SLC12A2: variants seen among roughly 807,000 people sequenced by gnomAD.
SLC12A2 encodes the protein Na-K-2Cl cotransporter 1.
SLC12A2 carries 67 observed loss-of-function variants against 136.3 expected under a neutral mutation model. That is an observed-to-expected ratio of 0.49 (90% CI 0.40 to 0.60). The LOEUF (loss-of-function observed/expected upper bound fraction) is 0.60, where lower values mean the gene tolerates loss of function less well. Among genes scored for constraint, SLC12A2 ranks in the 20% least tolerant of loss-of-function variants. The pLI is 0.00. For missense variants in SLC12A2, 1,322 were observed against 1,534.7 expected (o/e 0.86, Z 2.32); for synonymous variants, 619 against 562.9 (o/e 1.10, Z -1.41).
intron 1 of SLC12A2, 54 bp from the exon 2 acceptor site, chr5:128,112,760 A>G (rs1300405482): frequency 2.3e-5 from 31 of 1,374,506 alleles, no homozygotes; most frequent in Non-Finnish European, 2.9e-5. Context: ...GTTTTTATCA[A>G]GTGATTTTAA....
intron 26 of SLC12A2, 35 bp from the exon 27 acceptor site, chr5:128,186,461 G>GTTTTTTTTTTTTTT (rs11382084): frequency 4.5e-6 from 6 of 1,323,448 alleles, no homozygotes; most frequent in African/African-American, 1.6e-5. Flanking sequence ...ATTGCTCAGG[G>GTTTTTTTTTTTTTT]TTTTTTTTTT....
intron 1 of SLC12A2, among the ~76,000 whole-genome samples, chr5:128,098,894 C>A (rs1760642115): frequency 6.6e-6 from 1 of 152,100 alleles, no homozygotes; most frequent in African/African-American, 2.4e-5. Flanking sequence ...TCCAATTCCT[C>A]TGTTGACTTT....
At chr5:128,101,705 C>T (rs145536272) in intron 1 of SLC12A2, among the ~76,000 whole-genome samples, 49 of 152,246 alleles carry the variant, frequency 3.2e-4, no homozygotes, top group African/African-American at 1.1e-3. Context: ...TAACCCTAGG[C>T]GTTCCTTTTG....
chr5:128,149,570 TA>T (rs1279687438), intron 12 of SLC12A2, among the ~76,000 whole-genome samples: 15 of 151,616 alleles, frequency 9.9e-5, no homozygotes, highest in Non-Finnish European at 1.8e-4. Context: ...ATGCAGCAGT[TA>T]AAAAAAGGAA....
chr5:128,089,163 T>C (rs1409099027), intron 1 of SLC12A2, among the ~76,000 whole-genome samples: 1 of 114,856 alleles, frequency 8.7e-6, no homozygotes. Flanking sequence ...AGCAAAACTT[T>C]GTCTCCAAAA....
At chr5:128,091,851 A>G (rs2126641074) in intron 1 of SLC12A2, among the ~76,000 whole-genome samples, 1 of 152,332 alleles carries the variant, frequency 6.6e-6, no homozygotes, top group African/African-American at 2.4e-5. Context: ...TAATTTTTAA[A>G]AAAATTCTGT....
intron 24 of SLC12A2, 31 bp downstream of exon 24, chr5:128,182,972 T>C: frequency 7.4e-7 from 1 of 1,357,960 alleles, no homozygotes; most frequent in East Asian, 2.3e-5. Flanking sequence ...CTGATCCCTT[T>C]ATAGATGGCC....
chr5:128,109,857 G>A (rs1761081094), intron 1 of SLC12A2: 2 of 787,862 alleles, frequency 2.5e-6, no homozygotes, highest in Non-Finnish European at 4.7e-6. Context: ...AAATCCCCAT[G>A]TATTTTAAAA....
chr5:128,138,486 T>A (rs1289832004), intron 7 of SLC12A2, 111 bp from the exon 8 acceptor site: 7 of 934,818 alleles, frequency 7.5e-6, no homozygotes, highest in African/African-American at 1.7e-5. Flanking sequence ...ATTTACTCGT[T>A]ACTTTAACTG....
chr5:128,096,114 A>G (rs1188022568), intron 1 of SLC12A2, among the ~76,000 whole-genome samples: 1 of 152,124 alleles, frequency 6.6e-6, no homozygotes, highest in East Asian at 1.9e-4. Context: ...AGATGGACAG[A>G]CTCAGAAGCT....
chr5:128,147,121 A>C (rs973029375), intron 10 of SLC12A2, among the ~76,000 whole-genome samples: 3 of 141,630 alleles, frequency 2.1e-5, no homozygotes, highest in African/African-American at 8.0e-5. Flanking sequence ...TGAACAGACT[A>C]TTTTTAAAAG....
intron 10 of SLC12A2, 32 bp downstream of exon 10, chr5:128,142,013 C>A: frequency 6.3e-7 from 1 of 1,582,770 alleles, no homozygotes; most frequent in Non-Finnish European, 8.7e-7. Flanking sequence ...TACAGACATT[C>A]TGTATTTATC....
In SLC12A2 at chr5:128,147,687, T is replaced by C. The variant is rs1453201681; in HGVS notation, c.1839T>C (p.Ser613=). 2 of 1,610,334 alleles carry C rather than the reference T, an allele frequency of 1.2e-6. No homozygotes were observed. The highest frequency in any genetic ancestry group is 1.7e-6 in the Non-Finnish European group (2 of 1,177,370). ...CAGGTATATTTTCAGCCACTCTTTC[T>C]TCAGCATTAGCATCCCTAGTGAGTG... The part of the protein sequence containing the change: ...ISAGIFSATL[S]SALASLVSAP... The change falls in exon 11 of 27, where the codon TCT becomes TCC. Residue 613 remains serine (S), a synonymous_variant. Transcript: ENST00000262461.
chr5:128,105,812 CTCCCTATGGTTTCTGTTT>C (rs1280236236), intron 1 of SLC12A2, among the ~76,000 whole-genome samples: 1 of 152,142 alleles, frequency 6.6e-6, no homozygotes, highest in Admixed American at 6.5e-5. Context: ...AAGTGTTCTG[CTCCCTATGGTTTCTGTTT>C]TTCTTTTCAT....
chr5:128,085,819 A>T (rs1349847472), intron 1 of SLC12A2, among the ~76,000 whole-genome samples: 1 of 152,246 alleles, frequency 6.6e-6, no homozygotes, highest in Admixed American at 6.5e-5. Flanking sequence ...TTGATAATGT[A>T]ACATTCACAC....
intron 1 of SLC12A2, among the ~76,000 whole-genome samples, chr5:128,099,224 G>A (rs1462445018): frequency 6.6e-6 from 1 of 152,158 alleles, no homozygotes; most frequent in African/African-American, 2.4e-5. Flanking sequence ...GCTATATGGT[G>A]TAGCCTGTTG....
chr5:128,137,629 G>A (rs1333286511), intron 7 of SLC12A2, among the ~76,000 whole-genome samples: 1 of 152,226 alleles, frequency 6.6e-6, no homozygotes, highest in Non-Finnish European at 1.5e-5. Context: ...ACTTTGAGGT[G>A]CTAGAAAGCT....
chr5:128,178,148 C>T (rs1355154997), intron 21 of SLC12A2, among the ~76,000 whole-genome samples: 1 of 152,076 alleles, frequency 6.6e-6, no homozygotes, highest in Non-Finnish European at 1.5e-5. Context: ...AAGTTTTGAG[C>T]TTTAAATTAT....
At chr5:128,145,298 C>G (rs1339733437) in intron 10 of SLC12A2, among the ~76,000 whole-genome samples, 2 of 152,074 alleles carry the variant, frequency 1.3e-5, no homozygotes, top group Non-Finnish European at 2.9e-5. Context: ...ACTCTGTTCT[C>G]TACTTTCGTC....
Sources: gnomAD v4.1 joint callset for allele counts (sites outside exome capture counted in the v4.1 genomes callset) on GRCh38, gnomAD v4.1.1 for gene constraint, MANE v1.5 for transcripts, NCBI Gene and HGNC (gene_info 2026-07-23, HGNC 2026-07-21) for gene names.